The following PLCH1 variants were observed in gnomAD, a reference collection of about 807,000 sequenced individuals.
PLCH1 encodes the protein phospholipase C eta 1.
A neutral mutation model predicts 126.7 loss-of-function variants in PLCH1; 60 were observed. The observed-to-expected ratio is 0.47, with a 90% confidence interval of 0.38 to 0.59. The LOEUF (loss-of-function observed/expected upper bound fraction) is 0.59. Ranked by LOEUF, PLCH1 falls within the 20% of genes least tolerant of loss-of-function variation. PLCH1 has a pLI of 0.00. For missense variants in PLCH1, 1,723 were observed against 2,040.0 expected (o/e 0.84, Z 2.99); for synonymous variants, 719 against 734.9 (o/e 0.98, Z 0.35).
At chr3:155,472,086 A>G (rs1163610365) in intron 21 of PLCH1, among the ~76,000 whole-genome samples, 1 of 152,234 alleles carries the variant, frequency 6.6e-6, no homozygotes, top group Non-Finnish European at 1.5e-5. Context: ...TCAGAGCAGA[A>G]CTGAAGGAAA....
At chr3:155,696,035 A>G (rs1745766763) in intron 2 of PLCH1, among the ~76,000 whole-genome samples, 1 of 152,180 alleles carries the variant, frequency 6.6e-6, no homozygotes, top group South Asian at 2.1e-4. Flanking sequence ...GCAGATGGAC[A>G]TCTGAGTATT....
intron 4 of PLCH1, among the ~76,000 whole-genome samples, chr3:155,592,977 A>G (rs1476924311): frequency 6.6e-6 from 1 of 152,192 alleles, no homozygotes; most frequent in Non-Finnish European, 1.5e-5. Context: ...CACACTGTCA[A>G]GATCCTTTCA....
At chr3:155,580,165 T>C (rs1281271359) in intron 6 of PLCH1, among the ~76,000 whole-genome samples, 1 of 152,232 alleles carries the variant, frequency 6.6e-6, no homozygotes, top group East Asian at 1.9e-4. Flanking sequence ...TTGTTCACTG[T>C]TTTGTTAATT....
At chr3:155,518,467 A>T (rs1720645443) in intron 11 of PLCH1, among the ~76,000 whole-genome samples, 1 of 152,218 alleles carries the variant, frequency 6.6e-6, no homozygotes, top group South Asian at 2.1e-4. Context: ...CTATTTTTCC[A>T]TACAATGCAG....
chr3:155,704,312 C>G (rs1228839761), intron 1 of PLCH1, 48 bp from the exon 2 acceptor site: 1 of 457,764 alleles, frequency 2.2e-6, no homozygotes, highest in African/African-American at 2.0e-5. Flanking sequence ...ACGGCAGCCA[C>G]ACGCTCACAC....
chr3:155,541,900 G>C (rs967490560), intron 10 of PLCH1, among the ~76,000 whole-genome samples: 2 of 152,140 alleles, frequency 1.3e-5, no homozygotes, highest in Non-Finnish European at 1.5e-5. Flanking sequence ...TGCTGGTGGG[G>C]GAGCCAAGAT....
At position 155,488,761 on chromosome 3, in the gene PLCH1, A is replaced by G; in HGVS notation, c.2438T>C (p.Met813Thr). The G allele has an allele frequency of 6.2e-7, 1 of 1,613,928 alleles. No individual in the cohort carries two copies. The highest frequency in any genetic ancestry group is 8.5e-7 in the Non-Finnish European group (1 of 1,179,858). The change falls in exon 20 of 23, where the codon ATG (methionine) becomes ACG (threonine). Residue 813 changes from methionine (M) to threonine (T), a missense_variant. Transcript: ENST00000460012. ...WEETLTFTVH[M>T]PEIALVRFLV... ...GAACCGAACCAAAGCTATTTCTGGC[A>G]TGTGTACTGTAAATGTCAGTGTTTC...
intron 6 of PLCH1, among the ~76,000 whole-genome samples, chr3:155,582,393 CA>C (rs1299129722): frequency 2.0e-5 from 3 of 152,008 alleles, no homozygotes; most frequent in African/African-American, 7.2e-5. Flanking sequence ...AATAGTTGCA[CA>C]ACTCTGTTGA....
At chr3:155,532,406 C>T (rs996558822) in intron 10 of PLCH1, among the ~76,000 whole-genome samples, 2 of 152,138 alleles carry the variant, frequency 1.3e-5, no homozygotes, top group African/African-American at 4.8e-5. Flanking sequence ...AACACATCCT[C>T]ACTGGGGAAT....
At position 155,498,926 on chromosome 3, in the gene PLCH1, A is replaced by G. The variant is rs538403113; in HGVS notation, c.1797-1509T>C. Among the ~76,000 whole-genome samples the G allele has an allele frequency of 2.0e-5, 3 of 152,274 alleles. No individual in the cohort carries two copies. The South Asian group carries it at 6.2e-4, about 32-fold the overall frequency. ...ACACACACACTTTTTCTTATGGGAA[A>G]CAACTACCAAAAACAAACCTAAACT... is the stretch of plus-strand genomic sequence containing the variant. On this transcript the variant is annotated intron_variant, in intron 14 of 22. Transcript: ENST00000460012.
At chr3:155,591,074 C>A (rs189238805) in intron 4 of PLCH1, among the ~76,000 whole-genome samples, 9 of 152,244 alleles carry the variant, frequency 5.9e-5, no homozygotes, top group African/African-American at 2.2e-4. Context: ...AAACTTTTAA[C>A]CAACAAAGCA....
At chr3:155,594,475 A>C (rs1732675257) in intron 3 of PLCH1, among the ~76,000 whole-genome samples, 1 of 152,144 alleles carries the variant, frequency 6.6e-6, no homozygotes, top group Admixed American at 6.5e-5. Flanking sequence ...CAGGAGGCTG[A>C]GGCAGGAGAA....
At chr3:155,655,556 C>G (rs1741262141) in intron 2 of PLCH1, among the ~76,000 whole-genome samples, 1 of 152,182 alleles carries the variant, frequency 6.6e-6, no homozygotes, top group African/African-American at 2.4e-5. Context: ...CAGCAGCTGC[C>G]TGAATCCAAA....
At chr3:155,559,590 T>G (rs926213844) in intron 8 of PLCH1, among the ~76,000 whole-genome samples, 11 of 152,218 alleles carry the variant, frequency 7.2e-5, no homozygotes, top group African/African-American at 2.7e-4. Flanking sequence ...ATTCTAATAA[T>G]AAGAACTTTA....
intron 15 of PLCH1, among the ~76,000 whole-genome samples, chr3:155,497,103 C>T (rs111918926): frequency 1.3e-5 from 2 of 152,296 alleles, no homozygotes; most frequent in African/African-American, 4.8e-5. Context: ...GGAACTTTCT[C>T]TGGCCTCTGG....
intron 2 of PLCH1, among the ~76,000 whole-genome samples, chr3:155,654,176 A>G (rs1741098722): frequency 6.6e-6 from 1 of 151,132 alleles, no homozygotes; most frequent in South Asian, 2.1e-4. Context: ...CTTCCCTCCC[A>G]TGGCTCCTGG....
intron 7 of PLCH1, among the ~76,000 whole-genome samples, chr3:155,567,848 T>C (rs1161081904): frequency 6.6e-6 from 1 of 152,154 alleles, no homozygotes; most frequent in Non-Finnish European, 1.5e-5. Context: ...GCTACCATTT[T>C]AAAGGAAACA....
At chr3:155,630,099 A>G (rs368700161) in intron 2 of PLCH1, among the ~76,000 whole-genome samples, 3 of 152,324 alleles carry the variant, frequency 2.0e-5, no homozygotes, top group East Asian at 3.9e-4. Context: ...TTCTGTGCCT[A>G]GACGAATGCC....
At chr3:155,555,202 G>A (rs1475835328) in intron 8 of PLCH1, among the ~76,000 whole-genome samples, 3 of 152,086 alleles carry the variant, frequency 2.0e-5, no homozygotes, top group East Asian at 3.8e-4. Context: ...TACCTCCAAC[G>A]CCCCTGTCTC....
Sources: gnomAD v4.1 joint callset for allele counts (sites outside exome capture counted in the v4.1 genomes callset) on GRCh38, gnomAD v4.1.1 for gene constraint, MANE v1.5 for transcripts, NCBI Gene and HGNC (gene_info 2026-07-23, HGNC 2026-07-21) for gene names.